DYSF: variants seen among roughly 807,000 people sequenced by gnomAD.
DYSF encodes dystrophy-associated fer-1-like 1.
In DYSF, 212 loss-of-function variants were observed where a neutral mutation model predicts 274.9. The ratio of observed to expected loss-of-function variants is 0.77; its 90% confidence interval spans 0.69 to 0.86. The LOEUF is 0.86. Ranked by LOEUF, DYSF falls within the 40% of genes least tolerant of loss-of-function variation. DYSF has a pLI of 0.00. For synonymous variants in DYSF, 1,091 were observed against 1,078.7 expected (o/e 1.01, Z -0.22); for missense variants, 2,666 against 2,783.2 (o/e 0.96, Z 0.95).
intron 16 of DYSF, among the ~76,000 whole-genome samples, chr2:71,538,009 G>A (rs191253027): frequency 6.1e-4 from 93 of 152,340 alleles, no homozygotes; most frequent in Non-Finnish European, 1.2e-3. Context: ...TTGACCGCAG[G>A]TCTAGCCTAC....
Position 71,637,103 on chromosome 2 carries a change from G to A in DYSF, c.4528-6862G>A, listed in dbSNP as rs551193097. Among the ~76,000 whole-genome samples, 52 of 152,346 alleles carry A rather than the reference G, an allele frequency of 3.4e-4. 1 individual carries two copies. Among genetic ancestry groups the A allele is most frequent in the Admixed American group, 9.1e-4 (14 of 15,302 alleles). ...TCTAGAAGTTTTTCTATAAAGGGGC[G>A]AAGGTAATGAGGTGGAAGCCCAAAG... On this transcript the variant is annotated intron_variant, in intron 41 of 55. Coordinates refer to ENST00000410020, the MANE Select transcript of DYSF (RefSeq NM_001130987.2).
At chr2:71,622,151 C>T (rs1437327717) in intron 41 of DYSF, among the ~76,000 whole-genome samples, 11 of 19,644 alleles carry the variant, frequency 5.6e-4, no homozygotes, top group African/African-American at 8.3e-4. Context: ...TTTTTTGTTA[C>T]GCCCAGGTAC....
chr2:71,501,373 G>T (rs1319144936), intron 3 of DYSF, among the ~76,000 whole-genome samples: 1 of 152,196 alleles, frequency 6.6e-6, no homozygotes, highest in African/African-American at 2.4e-5. Flanking sequence ...TCATTGTTGA[G>T]AAGCTTAAAT....
At chr2:71,532,224 A>G (rs1015556846) in intron 14 of DYSF, among the ~76,000 whole-genome samples, 2 of 152,236 alleles carry the variant, frequency 1.3e-5, no homozygotes, top group African/African-American at 2.4e-5. Flanking sequence ...TCTTTTATAA[A>G]CAACATTGTG....
At chr2:71,483,418 G>A (rs1216356986) in intron 3 of DYSF, among the ~76,000 whole-genome samples, 1 of 152,202 alleles carries the variant, frequency 6.6e-6, no homozygotes, top group Non-Finnish European at 1.5e-5. Flanking sequence ...CCTGGAGGAG[G>A]GTCACTCAGA....
rs780022977 is a variant in DYSF, at chr2:71,598,727, G to A, written c.3738G>A (p.Leu1246=). The change falls in exon 33 of 56, where the codon CTG becomes CTA. Residue 1246 remains leucine (L), a synonymous_variant. Coordinates refer to ENST00000410020, the MANE Select transcript of DYSF (RefSeq NM_001130987.2). Reference sequence around the variant, plus strand: ...AACCGCCCAGCATTGTGGTGGAGCTGTACGACCATGACACTTATGTGAGTC... The same window carrying A: ...AACCGCCCAGCATTGTGGTGGAGCTATACGACCATGACACTTATGTGAGTC... ...AEQPPSIVVE[L]YDHDTYGADE... 2 of 1,612,942 alleles carry A rather than the reference G, an allele frequency of 1.2e-6. No individual in the cohort carries two copies. Among genetic ancestry groups the A allele is most frequent in the Non-Finnish European group, 8.5e-7 (1 of 1,180,024 alleles).
chr2:71,560,417 G>C (rs376303006), intron 22 of DYSF, among the ~76,000 whole-genome samples: 41 of 138,876 alleles, frequency 3.0e-4, no homozygotes, highest in Admixed American at 1.5e-3. Context: ...TCCCAGGCAG[G>C]CCCCCGCCCC....
intron 51 of DYSF, among the ~76,000 whole-genome samples, chr2:71,673,434 G>A (rs1383347089): frequency 6.6e-6 from 1 of 152,230 alleles, no homozygotes; most frequent in African/African-American, 2.4e-5. Context: ...TTCAGCAGGA[G>A]ACGGAACTTC....
At position 71,568,469 on chromosome 2, in the gene DYSF, C is replaced by T. The variant is rs576761581; in HGVS notation, c.2864+131C>T. 3.2e-5 allele frequency: 40 copies of T among 1,236,670 alleles called. No homozygotes were observed. In the East Asian group the frequency reaches 6.1e-4, roughly 19 times the overall value. The allele number at this position is 1,236,670 out of a possible 1,614,324, so 76.6% of individuals were successfully genotyped here. The stretch of plus-strand genomic sequence containing the variant: ...CTCCTGCGCTGGTCATAGGAACTTC[C>T]GCTGAACTCTCCCAGGACTGAGGCT... On this transcript the variant is annotated intron_variant, in intron 26 of 55. Transcript: ENST00000410020.
At chr2:71,601,313 G>A in intron 34 of DYSF, 186 bp from the exon 35 acceptor site, 1 of 756,110 alleles carries the variant, frequency 1.3e-6, no homozygotes, top group South Asian at 1.5e-5. Context: ...ATAGGAGTAG[G>A]GCTGCTCTGG....
intron 51 of DYSF, among the ~76,000 whole-genome samples, chr2:71,671,034 T>A (rs747576605): frequency 6.6e-6 from 1 of 152,212 alleles, no homozygotes; most frequent in Non-Finnish European, 1.5e-5. Context: ...ATATGACGCG[T>A]TCCAGTGCCT....
Position 71,660,653 on chromosome 2 carries a change from T to A in DYSF, c.5003+2T>A. 1 of 1,613,290 alleles carries A rather than the reference T, an allele frequency of 6.2e-7. No homozygotes were observed. Among genetic ancestry groups the A allele is most frequent in the East Asian group, 2.2e-5 (1 of 44,866 alleles). On this transcript the variant is annotated splice_donor_variant, in intron 45 of 55. Transcript: ENST00000410020. LOFTEE classifies it high-confidence loss of function. ...CACGCTGGAGCCCGTATTTGGAAAG[T>A]AAATTGGGGCATCTTGGGTCTTGGG... is the stretch of plus-strand genomic sequence containing the variant.
chr2:71,485,523 C>A (rs757006664), intron 3 of DYSF, among the ~76,000 whole-genome samples: 3 of 152,132 alleles, frequency 2.0e-5, no homozygotes, highest in Non-Finnish European at 2.9e-5. Context: ...TGGCTTTGTG[C>A]CAGGAGAACA....
At position 71,480,905 on chromosome 2, in the gene DYSF, C is replaced by T. The variant is rs963586500; in HGVS notation, c.114C>T (p.Val38=). 12 of 1,614,054 alleles carry T rather than the reference C, an allele frequency of 7.4e-6. No homozygotes were observed. Among genetic ancestry groups the T allele is most frequent in the Non-Finnish European group, 1.0e-5 (12 of 1,180,008 alleles). ...TAGGGGTGAAGAAGAGAACCAAAGT[C>T]ATCAAGAACAGCGTGAACCCTGTAT... is the stretch of plus-strand genomic sequence containing the variant. The part of the protein sequence containing the change: ...TFRGVKKRTK[V]IKNSVNPVWN... Residue 38 remains valine, a synonymous_variant, in exon 2 of 56, where the codon GTC becomes GTT. Transcript: ENST00000410020.
At chr2:71,638,611 C>G (rs886448202) in intron 41 of DYSF, among the ~76,000 whole-genome samples, 4 of 152,200 alleles carry the variant, frequency 2.6e-5, no homozygotes, top group Non-Finnish European at 4.4e-5. Context: ...AATTCTTTCA[C>G]TTAGCATAAG....
intron 14 of DYSF, among the ~76,000 whole-genome samples, chr2:71,534,303 C>A (rs534617889): frequency 6.6e-6 from 1 of 152,314 alleles, no homozygotes; most frequent in South Asian, 2.1e-4. Context: ...GTATCTGAAA[C>A]TGAGTCTTTA....
Position 71,535,303 on chromosome 2 carries a change from C to T in DYSF, c.1485C>T (p.Ile495=). 6.2e-7 allele frequency: 1 copy of T among 1,614,180 alleles called. No individual in the cohort carries two copies. The highest frequency in any genetic ancestry group is 2.2e-5 in the East Asian group (1 of 44,874). The change falls in exon 16 of 56, where the codon ATC becomes ATT. Residue 495 remains isoleucine, a synonymous_variant. Coordinates refer to ENST00000410020, the MANE Select transcript of DYSF (RefSeq NM_001130987.2). The part of the protein sequence containing the change: ...PSMCEKMRIR[I]IDWDRLTHND... ...TGTGCGAAAAAATGAGGATTCGTAT[C>T]ATAGACTGGTGAGTTCTGAGTCTTG...
chr2:71,513,908 C>T lies in DYSF; in HGVS notation c.746C>T (p.Pro249Leu), dbSNP rs147876220. The T allele has an allele frequency of 7.6e-5, 122 of 1,614,012 alleles. 2 individuals are homozygous for T. Among genetic ancestry groups the T allele is most frequent in the African/African-American group, 2.7e-4 (20 of 74,910 alleles). Reference protein sequence around the residue: ...PTSRKLLSDKPQDFQIRVQVI... With the variant: ...PTSRKLLSDKLQDFQIRVQVI... Reference sequence around the variant, plus strand: ...TCTAGAAAGCTGCTGTCAGACAAACCGCAGGATTTCCAGGTGATGAACGGG... The same window carrying T: ...TCTAGAAAGCTGCTGTCAGACAAACTGCAGGATTTCCAGGTGATGAACGGG... Residue 249 changes from proline (P) to leucine (L), a missense_variant, in exon 7 of 56, where the codon CCG (proline) becomes CTG (leucine). By Grantham distance (98) the Pro-to-Leu change is moderately conservative. Around this residue, in one of 3 missense-constraint regions of DYSF, gnomAD observed 794 missense variants for 777.1 expected, o/e 1.02. Coordinates refer to ENST00000410020, the MANE Select transcript of DYSF (RefSeq NM_001130987.2).
intron 24 of DYSF, among the ~76,000 whole-genome samples, chr2:71,566,794 C>T (rs2152809655): frequency 6.6e-6 from 1 of 152,264 alleles, no homozygotes; most frequent in Middle Eastern, 3.4e-3. Context: ...TCAGGGGCTC[C>T]TACAGGCTTC....
Sources: allele counts gnomAD v4.1 joint callset (sites outside exome capture counted in the v4.1 genomes callset), GRCh38; gene constraint gnomAD v4.1.1; regional missense constraint gnomAD v4.1.1; transcripts MANE v1.5; gene names NCBI Gene and HGNC (gene_info 2026-07-23, HGNC 2026-07-21).